ASPRV1: variants seen among roughly 807,000 people sequenced by gnomAD.
ASPRV1 encodes retroviral-like aspartic protease 1.
ASPRV1 carries 7 observed loss-of-function variants against 11.0 expected under a neutral mutation model. That is an observed-to-expected ratio of 0.64 (90% CI 0.36 to 1.20). The LOEUF is 1.20. Among genes scored for constraint, ASPRV1 ranks in the 50% most tolerant of loss-of-function variants. The pLI, the probability that ASPRV1 is intolerant of heterozygous loss-of-function variation, is 0.02. For missense variants in ASPRV1, 299 were observed against 320.0 expected (o/e 0.93, Z 0.50); for synonymous variants, 136 against 138.4 (o/e 0.98, Z 0.12).
At chr2:69,995,999 C>G in the ASPRV1 span, among the ~76,000 whole-genome samples, 1 of 152,026 alleles carries the variant, frequency 6.6e-6, no homozygotes, top group African/African-American at 2.4e-5. Context: ...GTGGAGCAGT[C>G]AGGTGGGGTA....
At chr2:70,034,914 G>C in the ASPRV1 span, 2 of 153,012 alleles carry the variant, frequency 1.3e-5, no homozygotes, top group East Asian at 3.8e-4. Flanking sequence ...GGCAGGACCA[G>C]GTGACAGGCC....
the ASPRV1 span, among the ~76,000 whole-genome samples, chr2:70,066,561 G>A: frequency 6.6e-6 from 1 of 150,862 alleles, no homozygotes; most frequent in South Asian, 2.1e-4. Flanking sequence ...ATCTTTTTAA[G>A]CAGGAGAATT....
the ASPRV1 span, among the ~76,000 whole-genome samples, chr2:70,026,000 T>TCA: frequency 6.6e-6 from 1 of 152,174 alleles, no homozygotes; most frequent in Non-Finnish European, 1.5e-5. Flanking sequence ...AGATGCCACA[T>TCA]CATGGGCACT....
the ASPRV1 span, among the ~76,000 whole-genome samples, chr2:70,078,211 T>C: frequency 6.6e-6 from 1 of 152,208 alleles, no homozygotes; most frequent in South Asian, 2.1e-4. Context: ...TTACAAGCAC[T>C]GTTCTAGCAG....
upstream of ASPRV1, among the ~76,000 whole-genome samples, chr2:69,966,158 G>A (rs1275210282): frequency 6.6e-6 from 1 of 152,208 alleles, no homozygotes; most frequent in Non-Finnish European, 1.5e-5. Flanking sequence ...TCAAGGCCAG[G>A]ACCAACCAAG....
chr2:70,039,592 G>GTGCCAATTA, the ASPRV1 span, among the ~76,000 whole-genome samples: 3 of 152,156 alleles, frequency 2.0e-5, no homozygotes, highest in African/African-American at 4.8e-5. Context: ...AGCAGGGGAG[G>GTGCCAATTA]TGCCAATTAC....
At chr2:70,037,887 A>G in the ASPRV1 span, among the ~76,000 whole-genome samples, 9 of 152,218 alleles carry the variant, frequency 5.9e-5, no homozygotes, top group Non-Finnish European at 1.2e-4. Context: ...ATATGGTGAC[A>G]GAAATTTTTT....
chr2:70,022,362 TACACACACAC>T, the ASPRV1 span, among the ~76,000 whole-genome samples: 395 of 113,626 alleles, frequency 3.5e-3, 13 homozygotes, highest in East Asian at 0.13. Flanking sequence ...CACACACACT[TACACACACAC>T]ACACACACAC....
chr2:69,998,041 A>C, the ASPRV1 span: 1 of 152,048 alleles, frequency 6.6e-6, no homozygotes, highest in Admixed American at 6.6e-5. Context: ...CCAGCTCATG[A>C]CCAGCCTGAC....
At chr2:70,033,673 C>T in the ASPRV1 span, among the ~76,000 whole-genome samples, 4 of 152,100 alleles carry the variant, frequency 2.6e-5, no homozygotes, top group Non-Finnish European at 5.9e-5. Context: ...AATTTTTTCC[C>T]CTATGAATAT....
the ASPRV1 span, among the ~76,000 whole-genome samples, chr2:70,072,806 C>T: frequency 6.6e-6 from 1 of 151,100 alleles, no homozygotes; most frequent in Admixed American, 6.6e-5. Flanking sequence ...AATCCCAGCA[C>T]TTCAGGAGGT....
chr2:70,023,445 C>G, the ASPRV1 span, among the ~76,000 whole-genome samples: 1 of 152,212 alleles, frequency 6.6e-6, no homozygotes, highest in Non-Finnish European at 1.5e-5. Context: ...TGGGCACTCT[C>G]TCTCTGCAGT....
At chr2:69,990,435 C>G in the ASPRV1 span, among the ~76,000 whole-genome samples, 1 of 151,844 alleles carries the variant, frequency 6.6e-6, no homozygotes, top group Non-Finnish European at 1.5e-5. Flanking sequence ...CCTCCCACCT[C>G]AGCCTCCCAA....
the ASPRV1 span, chr2:70,046,651 A>C: frequency 6.6e-6 from 1 of 152,142 alleles, no homozygotes; most frequent in African/African-American, 2.4e-5. Flanking sequence ...GGGTCTGAGA[A>C]GCCAAACACC....
the ASPRV1 span, among the ~76,000 whole-genome samples, chr2:70,055,130 C>G: frequency 2.0e-5 from 3 of 152,088 alleles, no homozygotes; most frequent in South Asian, 6.2e-4. Flanking sequence ...TGGTGAAACC[C>G]TGTCTCTATT....
At chr2:69,940,215 C>T in the ASPRV1 span, 1 of 148,376 alleles carries the variant, frequency 6.7e-6, no homozygotes, top group Non-Finnish European at 1.5e-5. Context: ...CACTGAAATA[C>T]AACTTGTATG....
chr2:69,933,213 AAAAAAAAAAAAC>A, the ASPRV1 span, among the ~76,000 whole-genome samples: 2 of 151,298 alleles, frequency 1.3e-5, no homozygotes, highest in Admixed American at 1.3e-4. Context: ...AAAAAAAAAA[AAAAAAAAAAAAC>A]AAAAAAAGAA....
chr2:70,000,814 A>AG, the ASPRV1 span, among the ~76,000 whole-genome samples: 1 of 147,328 alleles, frequency 6.8e-6, no homozygotes, highest in Non-Finnish European at 1.5e-5. Flanking sequence ...AAAAAAAAAA[A>AG]AAAGAAAGAA....
the ASPRV1 span, among the ~76,000 whole-genome samples, chr2:69,994,889 C>A: frequency 6.6e-6 from 1 of 151,754 alleles, no homozygotes; most frequent in Non-Finnish European, 1.5e-5. Context: ...GTAGTCCCAG[C>A]TACTCAGGAG....
Sources: allele counts gnomAD v4.1 joint callset (sites outside exome capture counted in the v4.1 genomes callset), GRCh38; gene constraint gnomAD v4.1.1; transcripts MANE v1.5; gene names NCBI Gene and HGNC (gene_info 2026-07-23, HGNC 2026-07-21).